The following KLHL11 variants were observed in gnomAD, a reference collection of about 807,000 sequenced individuals.
The protein encoded by KLHL11 is kelch like family member 11.
A neutral mutation model predicts 56.1 loss-of-function variants in KLHL11; 26 were observed. The ratio of observed to expected loss-of-function variants is 0.46; its 90% CI spans 0.34 to 0.64. The LOEUF is 0.64. Among genes scored for constraint, KLHL11 ranks in the 30% least tolerant of loss-of-function variants. KLHL11 has a pLI of 0.01. For synonymous variants in KLHL11, 338 were observed against 345.8 expected (o/e 0.98, Z 0.25); for missense variants, 627 against 919.4 (o/e 0.68, Z 4.11).
At chr17:41,861,686 CAAAAAA>C (rs71155178) in intron 1 of KLHL11, among the ~76,000 whole-genome samples, 2 of 61,870 alleles carry the variant, frequency 3.2e-5, no homozygotes, top group Non-Finnish European at 2.9e-5. Flanking sequence ...ACTCTTGTCT[CAAAAAA>C]AAAAAAAAAA....
intron 1 of KLHL11, among the ~76,000 whole-genome samples, chr17:41,864,205 A>G (rs2048422472): frequency 6.6e-6 from 1 of 152,242 alleles, no homozygotes; most frequent in African/African-American, 2.4e-5. Flanking sequence ...TGCTCCCTAC[A>G]ATCCGTTTAA....
Position 41,865,255 on chromosome 17 carries a change from TCGGCGGCCAGTCCTGCCGAGCCGG to T in KLHL11, c.92_115del (p.Ala31_Ala38del), listed in dbSNP as rs782112828. ...GTCCACCGTGCCGCTGCCTCGGACC[TCGGCGGCCAGTCCTGCCGAGCCGG>T]CGGCGGCCGTCTCCATGCTCTCCAT... is the stretch of plus-strand genomic sequence containing the variant. On this transcript the variant is annotated inframe_deletion, in exon 1 of 2. Coordinates refer to ENST00000319121, the MANE Select transcript of KLHL11 (RefSeq NM_018143.3). 1.0e-5 allele frequency: 16 copies of T among 1,585,848 alleles called. No individual in the cohort carries two copies. The Admixed American group carries it at 2.2e-4, about 22-fold the overall frequency.
Position 41,854,078 on chromosome 17 carries a change from G to A in KLHL11, c.1789C>T (p.Leu597=). The stretch of plus-strand genomic sequence containing the variant: ...CAAATGGCTGCTCCTTCGATGCTTA[G>A]GACTTCTGGAGGCAAGCTTTCAAGG... The part of the protein sequence containing the change: ...EILESLPPEV[L]SIEGAAICYY... The change falls in exon 2 of 2, where the codon CTA becomes TTA. Residue 597 remains leucine, a synonymous_variant. Coordinates refer to ENST00000319121, the MANE Select transcript of KLHL11 (RefSeq NM_018143.3). This position sits in a 1 kb window ranked among gnomAD's most constrained non-coding sequence, Gnocchi z 4.9. 1 of 1,614,164 alleles carries A rather than the reference G, an allele frequency of 6.2e-7. No homozygotes were observed. Among genetic ancestry groups the A allele is most frequent in the Non-Finnish European group, 8.5e-7 (1 of 1,180,030 alleles).
Position 41,851,637 on chromosome 17 carries a change from G to A in KLHL11, c.*2103C>T, listed in dbSNP as rs1177902599. On this transcript the variant is annotated 3_prime_UTR_variant, in exon 2 of 2. Coordinates refer to ENST00000319121, the MANE Select transcript of KLHL11 (RefSeq NM_018143.3). ...AAAAGTTATTTTGAGGCCGGGCGTG[G>A]TGGCTCACACCTAATCCTAGCACCC... 1.3e-5 allele frequency among the ~76,000 whole-genome samples: 2 copies of A among 151,842 alleles called. No homozygotes were observed. The highest frequency in any genetic ancestry group is 4.8e-5 in the African/African-American group (2 of 41,314).
chr17:41,860,811 T>C (rs1212429143), intron 1 of KLHL11, among the ~76,000 whole-genome samples: 1 of 152,154 alleles, frequency 6.6e-6, no homozygotes, highest in East Asian at 1.9e-4. Flanking sequence ...TTGTACCCTA[T>C]ACTTTGCAGT....
chr17:41,848,942 TAAAC>T lies in KLHL11; in HGVS notation c.*4794_*4797del, dbSNP rs2048316435. 6.6e-6 allele frequency: 1 copy of T among 152,306 alleles called. No individual in the cohort carries two copies. The highest frequency in any genetic ancestry group is 2.1e-4 in the South Asian group (1 of 4,836). 9.4% of individuals were successfully genotyped at this position (152,306 alleles called of 1,614,324 possible). A position where few individuals can be genotyped will look rare whatever the true frequency, so the allele number is the denominator to read the frequency against. On this transcript the variant is annotated 3_prime_UTR_variant, in exon 2 of 2. Coordinates refer to ENST00000319121, the MANE Select transcript of KLHL11 (RefSeq NM_018143.3). ...AAGATAAAAAGCCCTACAAGTGTAA[TAAAC>T]AAACCGCAGTGATTTTGCTATCTAA...
chr17:41,857,610 A>G (rs2048374265), intron 1 of KLHL11, among the ~76,000 whole-genome samples: 1 of 151,878 alleles, frequency 6.6e-6, no homozygotes, highest in African/African-American at 2.4e-5. Context: ...TGAAATACAT[A>G]CATATATACA....
intron 1 of KLHL11, among the ~76,000 whole-genome samples, chr17:41,859,889 T>C (rs570753144): frequency 3.3e-5 from 5 of 152,196 alleles, no homozygotes; most frequent in Non-Finnish European, 5.9e-5. Flanking sequence ...AGCCTGAGGA[T>C]AGCCAATTTG....
At chr17:41,862,463 G>A (rs2048410311) in intron 1 of KLHL11, among the ~76,000 whole-genome samples, 1 of 134,292 alleles carries the variant, frequency 7.4e-6, no homozygotes, top group African/African-American at 2.8e-5. Flanking sequence ...TGTATTTTTA[G>A]TAGAGACGGG....
In KLHL11 at chr17:41,865,245, G is replaced by A. The variant is rs61743192; in HGVS notation, c.126C>T (p.Gly42=). The stretch of plus-strand genomic sequence containing the variant: ...CAGGCCCGAAGTCCACCGTGCCGCT[G>A]CCTCGGACCTCGGCGGCCAGTCCTG... ...GSAGLAAEVR[G]SGTVDFGPGP... Residue 42 remains glycine (G), a synonymous_variant, in exon 1 of 2, where the codon GGC becomes GGT. Coordinates refer to ENST00000319121, the MANE Select transcript of KLHL11 (RefSeq NM_018143.3). The A allele has an allele frequency of 8.3e-3, 13,223 of 1,591,654 alleles. 79 individuals are homozygous for A. Among genetic ancestry groups the A allele is most frequent in the Non-Finnish European group, 0.01 (11,917 of 1,172,114 alleles).
intron 1 of KLHL11, among the ~76,000 whole-genome samples, chr17:41,861,711 A>G (rs916930825): frequency 7.4e-6 from 1 of 134,510 alleles, no homozygotes; most frequent in Non-Finnish European, 1.6e-5. Flanking sequence ...AAAAAAAAAA[A>G]GAATGTCAGC....
At position 41,862,149 on chromosome 17, in the gene KLHL11, C is replaced by T. The variant is rs192450934; in HGVS notation, c.545+2677G>A. 1.8e-4 allele frequency among the ~76,000 whole-genome samples: 27 copies of T among 152,002 alleles called. 1 individual carries two copies. The East Asian group carries it at 4.4e-3, about 25-fold the overall frequency. ...TGTTGCCCAGGCTGGGGTGCAGTGG[C>T]GTAATCTCAGCTCACTGCAATCTCC... On this transcript the variant is annotated intron_variant, in intron 1 of 1. Coordinates refer to ENST00000319121, the MANE Select transcript of KLHL11 (RefSeq NM_018143.3).
In KLHL11 at chr17:41,851,989, G is replaced by A. The variant is rs1270159548; in HGVS notation, c.*1751C>T. On this transcript the variant is annotated 3_prime_UTR_variant, in exon 2 of 2. Coordinates refer to ENST00000319121, the MANE Select transcript of KLHL11 (RefSeq NM_018143.3). ...GGAGACATAAGATAATTCGAATAAC[G>A]TATAAAACTAAATAAAAGATAGCTT... Among the ~76,000 whole-genome samples the A allele has an allele frequency of 2.6e-5, 4 of 151,626 alleles. No individual in the cohort carries two copies. The highest frequency in any genetic ancestry group is 3.9e-4 in the East Asian group (2 of 5,170).
chr17:41,853,013 T>TGTAA lies in KLHL11; in HGVS notation c.*723_*726dup, dbSNP rs1555622122. Among the ~76,000 whole-genome samples the TGTAA allele has an allele frequency of 6.6e-6, 1 of 152,220 alleles. No individual in the cohort carries two copies. The highest frequency in any genetic ancestry group is 1.9e-4 in the East Asian group (1 of 5,204). ...TTCTTAGAGAAACAAAGTTCACACA[T>TGTAA]GTAACTTGCTCTGTATTTAGTCAAT... On this transcript the variant is annotated 3_prime_UTR_variant, in exon 2 of 2. Coordinates refer to ENST00000319121, the MANE Select transcript of KLHL11 (RefSeq NM_018143.3).
chr17:41,853,729 C>G lies in KLHL11; in HGVS notation c.*11G>C, dbSNP rs1555622193. On this transcript the variant is annotated 3_prime_UTR_variant, in exon 2 of 2. Transcript: ENST00000319121. The stretch of plus-strand genomic sequence containing the variant: ...GGGTGTAACAGTTTTAATCGGCACG[C>G]TTGAGAGAACCTAGCATTCAATCTG... The G allele has an allele frequency of 6.3e-7, 1 of 1,598,018 alleles. No homozygotes were observed. The highest frequency in any genetic ancestry group is 8.6e-7 in the Non-Finnish European group (1 of 1,169,382).
intron 1 of KLHL11, among the ~76,000 whole-genome samples, chr17:41,863,687 A>T (rs2048419180): frequency 6.6e-6 from 1 of 152,008 alleles, no homozygotes; most frequent in African/African-American, 2.4e-5. Context: ...CATCCCTTTG[A>T]TACAGCCACA....
rs1235371767 is a variant in KLHL11, at chr17:41,853,847, T to C, written c.2020A>G (p.Met674Val). 2 of 1,614,040 alleles carry C rather than the reference T, an allele frequency of 1.2e-6. No individual in the cohort carries two copies. Among genetic ancestry groups the C allele is most frequent in the Non-Finnish European group, 1.7e-6 (2 of 1,180,026 alleles). Residue 674 changes from methionine (M) to valine (V), a missense_variant, in exon 2 of 2, where the codon ATG becomes GTG. Transcript: ENST00000319121. ...RYLHGTQRYP[M>V]PQNLMWQKDR... ...TTCTGCCACATCAGGTTTTGAGGCA[T>C]AGGGTATCTCTGTGTGCCATGCAAG... is the stretch of plus-strand genomic sequence containing the variant.
chr17:41,859,346 C>T (rs1781717969), intron 1 of KLHL11, among the ~76,000 whole-genome samples: 1 of 152,036 alleles, frequency 6.6e-6, no homozygotes, highest in African/African-American at 2.4e-5. Flanking sequence ...GGTGGATCAC[C>T]TGAGGTCAGG....
intron 1 of KLHL11, among the ~76,000 whole-genome samples, chr17:41,855,992 C>CAAA (rs1172790734): frequency 1.2e-3 from 174 of 149,834 alleles, no homozygotes; most frequent in South Asian, 1.5e-3. Context: ...ATCCCCCCCC[C>CAAA]AAAAAAAAAC....
Sources: gnomAD v4.1 joint callset for allele counts (sites outside exome capture counted in the v4.1 genomes callset) on GRCh38, gnomAD v4.1.1 for gene constraint, Gnocchi (gnomAD v3.1) non-coding constraint, MANE v1.5 for transcripts, NCBI Gene and HGNC (gene_info 2026-07-23, HGNC 2026-07-21) for gene names.